The following ANKS1B variants were observed in gnomAD, a reference collection of about 807,000 sequenced individuals.
ANKS1B encodes ankyrin repeat and sterile alpha motif domain-containing protein 1B.
Under a neutral mutation model 148.3 loss-of-function variants are expected in ANKS1B, and 36 were observed. The ratio of observed to expected loss-of-function variants is 0.24; its 90% confidence interval spans 0.19 to 0.32. The LOEUF (loss-of-function observed/expected upper bound fraction) is 0.32, where lower values mean the gene tolerates loss of function less well. Among genes scored for constraint, ANKS1B ranks in the 10% least tolerant of loss-of-function variants. The probability of loss-of-function intolerance (pLI) is 1.00; values close to 1 mark genes in which losing one functional copy is unlikely to be tolerated. For synonymous variants in ANKS1B, 542 were observed against 560.8 expected (o/e 0.97, Z 0.47); for missense variants, 1,157 against 1,542.6 (o/e 0.75, Z 4.19).
chr12:99,207,300 AG>A (rs1340292119), intron 14 of ANKS1B, among the ~76,000 whole-genome samples: 1 of 152,192 alleles, frequency 6.6e-6, no homozygotes, highest in Non-Finnish European at 1.5e-5. Context: ...ATGGTATAAA[AG>A]TTTATAGCTG....
At chr12:99,253,901 A>T (rs552688124) in intron 12 of ANKS1B, among the ~76,000 whole-genome samples, 113 of 152,346 alleles carry the variant, frequency 7.4e-4, no homozygotes, top group South Asian at 6.0e-3. Flanking sequence ...TTTTCCTGCC[A>T]AAGATGTACA....
At chr12:99,484,439 G>A (rs942790580) in intron 10 of ANKS1B, among the ~76,000 whole-genome samples, 6 of 151,780 alleles carry the variant, frequency 4.0e-5, no homozygotes, top group Non-Finnish European at 7.4e-5. Context: ...AGAATGTTAC[G>A]TGCTGATGAG....
intron 12 of ANKS1B, among the ~76,000 whole-genome samples, chr12:99,361,777 T>C (rs1434923878): frequency 1.3e-5 from 2 of 152,106 alleles, no homozygotes; most frequent in Admixed American, 6.6e-5. Context: ...TAACTCGTGA[T>C]TTGTTTACAC....
At chr12:98,752,997 A>G (rs766411802) in intron 25 of ANKS1B, among the ~76,000 whole-genome samples, 6 of 152,024 alleles carry the variant, frequency 3.9e-5, no homozygotes, top group Non-Finnish European at 8.8e-5. Flanking sequence ...GAGCACGCAA[A>G]CAGTGCTCCA....
chr12:99,155,514 C>G (rs1332595953), intron 14 of ANKS1B, among the ~76,000 whole-genome samples: 1 of 151,930 alleles, frequency 6.6e-6, no homozygotes, highest in Non-Finnish European at 1.5e-5. Flanking sequence ...TCTAAATTAG[C>G]TATAAAGGTA....
intron 10 of ANKS1B, among the ~76,000 whole-genome samples, chr12:99,444,473 AG>A (rs1051318841): frequency 1.3e-5 from 2 of 151,938 alleles, no homozygotes; most frequent in Non-Finnish European, 1.5e-5. Context: ...AGTATTTAGG[AG>A]GGGGGAATAA....
chr12:98,923,149 G>T (rs979159929), intron 17 of ANKS1B, among the ~76,000 whole-genome samples: 2 of 152,164 alleles, frequency 1.3e-5, no homozygotes, highest in African/African-American at 4.8e-5. Flanking sequence ...AGGGGAATGG[G>T]TTAGTTCCCT....
intron 1 of ANKS1B, among the ~76,000 whole-genome samples, chr12:99,910,746 G>A (rs7295143): frequency 0.61 from 92,299 of 152,012 alleles, 29,151 homozygotes; most frequent in Middle Eastern, 0.7. Flanking sequence ...TGTATCTAAC[G>A]CAACAGTCTA....
chr12:99,501,043 G>A (rs1255056418), intron 10 of ANKS1B, among the ~76,000 whole-genome samples: 1 of 151,616 alleles, frequency 6.6e-6, no homozygotes, highest in Non-Finnish European at 1.5e-5. Context: ...GTTTTAAATT[G>A]CATGTGTGTA....
chr12:99,146,483 A>T (rs565187697), intron 15 of ANKS1B, among the ~76,000 whole-genome samples: 3 of 152,100 alleles, frequency 2.0e-5, no homozygotes, highest in Non-Finnish European at 4.4e-5. Context: ...AACAGAGGGA[A>T]CAACAGGCTT....
rs191824061 is a variant in ANKS1B at position 99,801,890 on chromosome 12, T to C, written c.669+4514A>G. 5.4e-4 allele frequency among the ~76,000 whole-genome samples: 82 copies of C among 152,234 alleles called. 1 individual carries two copies. In the Middle Eastern group the frequency reaches 0.01, roughly 19 times the overall value. On this transcript the variant is annotated intron_variant, in intron 4 of 26. Coordinates refer to ENST00000683438, the MANE Select transcript of ANKS1B (RefSeq NM_001352186.2). ...AGGAAGGAAAGTAGACACAGGTACA[T>C]TGGCAGATGTGGTGGTGGAAATTTG...
intron 17 of ANKS1B, among the ~76,000 whole-genome samples, chr12:98,901,432 C>T (rs1056531146): frequency 6.6e-6 from 1 of 152,182 alleles, no homozygotes; most frequent in Admixed American, 6.5e-5. Context: ...ACATGGCCCA[C>T]ATGGCTAGGA....
At chr12:99,928,768 G>A (rs2153806123) in intron 1 of ANKS1B, among the ~76,000 whole-genome samples, 1 of 152,274 alleles carries the variant, frequency 6.6e-6, no homozygotes, top group East Asian at 1.9e-4. Flanking sequence ...TGAGAACTTA[G>A]TCACAAAGGG....
intron 8 of ANKS1B, among the ~76,000 whole-genome samples, chr12:99,660,945 T>G (rs2098474473): frequency 6.6e-6 from 1 of 151,906 alleles, no homozygotes; most frequent in African/African-American, 2.4e-5. Context: ...GACTGAGTGG[T>G]TAAATTAAAT....
chr12:99,092,354 G>T (rs2054308956), intron 15 of ANKS1B, among the ~76,000 whole-genome samples: 1 of 151,466 alleles, frequency 6.6e-6, no homozygotes, highest in Non-Finnish European at 1.5e-5. Flanking sequence ...TCCCACTGTG[G>T]TACAGACCAA....
chr12:98,949,189 T>G (rs1207329034), intron 17 of ANKS1B, among the ~76,000 whole-genome samples: 2 of 151,964 alleles, frequency 1.3e-5, no homozygotes, highest in African/African-American at 2.4e-5. Flanking sequence ...CCTGACCTCG[T>G]GATCTGCCCG....
intron 9 of ANKS1B, among the ~76,000 whole-genome samples, chr12:99,589,066 C>G (rs951779848): frequency 6.6e-6 from 1 of 152,204 alleles, no homozygotes; most frequent in Non-Finnish European, 1.5e-5. Flanking sequence ...CTTTATGGTA[C>G]TGCCCAGGCA....
At chr12:99,337,818 T>C (rs923630803) in intron 12 of ANKS1B, among the ~76,000 whole-genome samples, 1 of 152,158 alleles carries the variant, frequency 6.6e-6, no homozygotes, top group Non-Finnish European at 1.5e-5. Flanking sequence ...GAGAATTCCA[T>C]GGATTATCAG....
intron 12 of ANKS1B, among the ~76,000 whole-genome samples, chr12:99,333,593 G>C (rs1340213031): frequency 6.6e-6 from 1 of 152,040 alleles, no homozygotes. Context: ...CCATGTGGAA[G>C]CCGCTGCATG....
Sources: allele counts gnomAD v4.1 joint callset (sites outside exome capture counted in the v4.1 genomes callset), GRCh38; gene constraint gnomAD v4.1.1; transcripts MANE v1.5; gene names NCBI Gene and HGNC (gene_info 2026-07-23, HGNC 2026-07-21).